DGKB: variants seen among roughly 807,000 people sequenced by gnomAD.
DGKB encodes the protein 90 kDa diacylglycerol kinase.
A neutral mutation model predicts 114.3 loss-of-function variants in DGKB; 67 were observed. The ratio of observed to expected loss-of-function variants is 0.59; its 90% CI spans 0.48 to 0.72. The LOEUF is 0.72. Among genes scored for constraint, DGKB ranks in the 30% least tolerant of loss-of-function variants. The pLI is 0.00. For missense variants in DGKB, 907 were observed against 975.2 expected (o/e 0.93, Z 0.93); for synonymous variants, 398 against 323.1 (o/e 1.23, Z -2.49).
At chr7:14,626,496 A>G (rs1390290173) in intron 14 of DGKB, among the ~76,000 whole-genome samples, 1 of 152,212 alleles carries the variant, frequency 6.6e-6, no homozygotes, top group Non-Finnish European at 1.5e-5. Flanking sequence ...AACCCAAGGT[A>G]TCATATAGAT....
At chr7:14,464,200 G>GAAAT (rs1366080714) in intron 21 of DGKB, among the ~76,000 whole-genome samples, 1 of 152,024 alleles carries the variant, frequency 6.6e-6, no homozygotes. Context: ...CATCCAGGTT[G>GAAAT]AAATGTAAAA....
chr7:14,635,816 A>C (rs1810644742), intron 13 of DGKB, among the ~76,000 whole-genome samples: 1 of 151,630 alleles, frequency 6.6e-6, no homozygotes, highest in Non-Finnish European at 1.5e-5. Context: ...ATGTTCATAA[A>C]ATTAATCTAT....
intron 2 of DGKB, among the ~76,000 whole-genome samples, chr7:14,813,510 C>T (rs1843700653): frequency 1.3e-5 from 2 of 152,102 alleles, no homozygotes; most frequent in Non-Finnish European, 2.9e-5. Flanking sequence ...TATTTTCTCC[C>T]CAGAGAACAT....
At chr7:14,580,358 A>T (rs1361569210) in intron 19 of DGKB, among the ~76,000 whole-genome samples, 2 of 152,214 alleles carry the variant, frequency 1.3e-5, no homozygotes, top group East Asian at 3.9e-4. Context: ...CTAGAAATCA[A>T]GGTACTTTTG....
At position 14,353,368 on chromosome 7, in the gene DGKB, ATC is replaced by A. The variant is rs904690181; in HGVS notation, c.1836-7979_1836-7978del. Among the ~76,000 whole-genome samples the A allele has an allele frequency of 2.6e-5, 4 of 152,218 alleles. 1 individual carries two copies. The highest frequency in any genetic ancestry group is 9.6e-5 in the African/African-American group (4 of 41,466). On this transcript the variant is annotated intron_variant, in intron 21 of 25. Transcript: ENST00000402815. ...AACCTGAGGGAAGTATACCGTGGGC[ATC>A]TAGGAAAGATTTTTTTCTCTGATCA...
chr7:14,435,864 A>G (rs1386891620), intron 21 of DGKB, among the ~76,000 whole-genome samples: 2 of 152,158 alleles, frequency 1.3e-5, no homozygotes, highest in Non-Finnish European at 2.9e-5. Context: ...CTGAGCTTCC[A>G]ACAACTGTCT....
chr7:14,798,785 G>T (rs1053300434), intron 2 of DGKB, among the ~76,000 whole-genome samples: 7 of 152,154 alleles, frequency 4.6e-5, no homozygotes, highest in Non-Finnish European at 8.8e-5. Flanking sequence ...CCATCCTGTG[G>T]TTATTTCCCC....
intron 23 of DGKB, among the ~76,000 whole-genome samples, chr7:14,197,234 A>G (rs1361665502): frequency 3.3e-5 from 5 of 152,022 alleles, no homozygotes; most frequent in African/African-American, 1.2e-4. Flanking sequence ...TAAAAATACT[A>G]TTGCAGTGAA....
In DGKB at chr7:14,757,673, T is replaced by G; in HGVS notation, c.129A>C (p.Ala43=). 6.2e-7 allele frequency: 1 copy of G among 1,601,858 alleles called. No individual in the cohort carries two copies. The change falls in exon 3 of 26, where the codon GCA becomes GCC. Residue 43 remains alanine (A), a synonymous_variant. Transcript: ENST00000402815. ...GTTTTACCCCTTCAGGATTATACTTTGCAAGCACACCATTACCATGGAATT... is the reference window on the plus strand; with the variant it reads ...GTTTTACCCCTTCAGGATTATACTTGGCAAGCACACCATTACCATGGAATT... The part of the protein sequence containing the change: ...LEEFHGNGVL[A]KYNPEGKQDI...
intron 23 of DGKB, among the ~76,000 whole-genome samples, chr7:14,193,104 G>A (rs1429616844): frequency 1.3e-5 from 2 of 151,332 alleles, no homozygotes; most frequent in African/African-American, 2.4e-5. Context: ...ACGCGACCCA[G>A]TTCCTAATAG....
At chr7:14,478,098 G>A (rs1782459879) in intron 21 of DGKB, 63 bp downstream of exon 21, 2 of 1,107,978 alleles carry the variant, frequency 1.8e-6, no homozygotes, top group Non-Finnish European at 2.7e-6. Flanking sequence ...GTACCATCTA[G>A]TGATCTTTTT....
chr7:14,776,342 A>G (rs1838179428), intron 2 of DGKB, among the ~76,000 whole-genome samples: 2 of 152,226 alleles, frequency 1.3e-5, no homozygotes, highest in African/African-American at 4.8e-5. Context: ...CAAGGAGCTG[A>G]ATGTTAATCA....
chr7:14,702,863 T>C (rs1020153464), intron 6 of DGKB, among the ~76,000 whole-genome samples: 1 of 152,150 alleles, frequency 6.6e-6, no homozygotes. Context: ...GTCTATATAT[T>C]GCTAAAAAGA....
chr7:14,965,509 T>C (rs891347058), intron 1 of DGKB, among the ~76,000 whole-genome samples: 1 of 152,012 alleles, frequency 6.6e-6, no homozygotes, highest in African/African-American at 2.4e-5. Context: ...CTAAGAAAAA[T>C]GTACACCAAG....
chr7:14,943,780 T>C (rs577935032), intron 1 of DGKB, among the ~76,000 whole-genome samples: 84 of 152,080 alleles, frequency 5.5e-4, no homozygotes, highest in Middle Eastern at 6.8e-3. Flanking sequence ...ATATTAGTTA[T>C]ATTAAAAATA....
chr7:14,502,611 A>C (rs1433486605), intron 20 of DGKB, among the ~76,000 whole-genome samples: 1 of 152,136 alleles, frequency 6.6e-6, no homozygotes, highest in African/African-American at 2.4e-5. Context: ...TTATGTTTAC[A>C]AGTTGGAGTC....
Position 14,505,175 on chromosome 7 carries a change from C to T in DGKB, c.1771-26950G>A, listed in dbSNP as rs576257376. 5.9e-5 allele frequency among the ~76,000 whole-genome samples: 9 copies of T among 152,254 alleles called. No homozygotes were observed. In the East Asian group the frequency reaches 1.7e-3, roughly 29 times the overall value. ...TGTTTCAAGAATAGACTAAACTTGGCCAGCTGCAGTGGCTTACACCTGTAA... is the reference window on the plus strand; with the variant it reads ...TGTTTCAAGAATAGACTAAACTTGGTCAGCTGCAGTGGCTTACACCTGTAA... On this transcript the variant is annotated intron_variant, in intron 20 of 25. Coordinates refer to ENST00000402815, the MANE Select transcript of DGKB (RefSeq NM_001350709.2).
intron 20 of DGKB, among the ~76,000 whole-genome samples, chr7:14,510,915 A>C (rs1034806268): frequency 6.6e-6 from 1 of 152,204 alleles, no homozygotes; most frequent in Non-Finnish European, 1.5e-5. Context: ...TTTTGAAAGG[A>C]ATCTTATTTT....
intron 23 of DGKB, among the ~76,000 whole-genome samples, chr7:14,255,337 C>T (rs759854507): frequency 6.6e-6 from 1 of 152,142 alleles, no homozygotes; most frequent in Non-Finnish European, 1.5e-5. Flanking sequence ...ATTGCTACTA[C>T]ACATAATGCA....
Sources: allele counts gnomAD v4.1 joint callset (sites outside exome capture counted in the v4.1 genomes callset), GRCh38; gene constraint gnomAD v4.1.1; transcripts MANE v1.5; gene names NCBI Gene and HGNC (gene_info 2026-07-23, HGNC 2026-07-21).